The following HSPA12A variants were observed in gnomAD, a reference collection of about 807,000 sequenced individuals.
HSPA12A encodes the protein heat shock 70 kDa protein 12A.
A neutral mutation model predicts 69.2 loss-of-function variants in HSPA12A; 28 were observed. The observed-to-expected ratio is 0.40, with a 90% CI of 0.30 to 0.55. The LOEUF (loss-of-function observed/expected upper bound fraction) is 0.55, where lower values mean the gene tolerates loss of function less well. Ranked by LOEUF, HSPA12A falls within the 20% of genes least tolerant of loss-of-function variation. The pLI is 0.38. For synonymous variants in HSPA12A, 345 were observed against 370.5 expected, an observed-to-expected ratio of 0.93 and a Z score of 0.79; for missense variants, 686 against 900.7, an observed-to-expected ratio of 0.76 and a Z score of 3.05.
At chr10:116,757,731 C>T (rs758812000) in intron 2 of HSPA12A, among the ~76,000 whole-genome samples, 1 of 152,132 alleles carries the variant, frequency 6.6e-6, no homozygotes, top group Non-Finnish European at 1.5e-5. Flanking sequence ...ACTGTACCTA[C>T]TTCATAGGGA....
chr10:116,695,402 G>A (rs1554880681), intron 5 of HSPA12A, among the ~76,000 whole-genome samples: 9 of 152,154 alleles, frequency 5.9e-5, no homozygotes, highest in Admixed American at 5.2e-4. Flanking sequence ...AAGGGCTTGC[G>A]GCCAGGTGTG....
intron 1 of HSPA12A, among the ~76,000 whole-genome samples, chr10:116,838,324 G>A (rs571995286): frequency 6.6e-6 from 1 of 152,322 alleles, no homozygotes; most frequent in East Asian, 1.9e-4. Flanking sequence ...GGCAGGGGTT[G>A]CTGGCCTGCT....
In HSPA12A at chr10:116,741,901, C is replaced by A. The variant is rs533195365; in HGVS notation, c.40+529G>T. Reference sequence around the variant, plus strand: ...TTCGGCCGCAGCTGCAGCCCCCACTCCTGGCTCGAGCGTCCGGCCGGGGTG... The same window carrying A: ...TTCGGCCGCAGCTGCAGCCCCCACTACTGGCTCGAGCGTCCGGCCGGGGTG... On this transcript the variant is annotated intron_variant, in intron 1 of 11. Transcript: ENST00000369209. Among the ~76,000 whole-genome samples the A allele has an allele frequency of 5.8e-4, 88 of 152,322 alleles. 1 individual carries two copies. Among genetic ancestry groups the A allele is most frequent in the Middle Eastern group, 3.4e-3 (1 of 294 alleles).
At chr10:116,779,538 T>C (rs1844417041) in intron 2 of HSPA12A, among the ~76,000 whole-genome samples, 1 of 152,156 alleles carries the variant, frequency 6.6e-6, no homozygotes, top group South Asian at 2.1e-4. Flanking sequence ...GTCAGTATAT[T>C]CTGTCCCTTT....
chr10:116,850,509 TA>T (rs1846047078), upstream of HSPA12A, among the ~76,000 whole-genome samples: 1 of 151,706 alleles, frequency 6.6e-6, no homozygotes, highest in Non-Finnish European at 1.5e-5. Flanking sequence ...GATCTATAAG[TA>T]GTAAGGAAGG....
intron 2 of HSPA12A, among the ~76,000 whole-genome samples, chr10:116,762,147 C>T (rs552801924): frequency 3.3e-5 from 5 of 152,300 alleles, no homozygotes; most frequent in South Asian, 2.1e-4. Flanking sequence ...TAGCATAAGC[C>T]GCCTGGCCTG....
chr10:116,802,849 G>C lies in HSPA12A; in HGVS notation c.91+32086C>G, dbSNP rs73385322. ...CACAGAACATGAGCAGATGAGGTCTGCCAAGTCTGAACAGAAGTTTGAAGA... is the reference window on the plus strand; with the variant it reads ...CACAGAACATGAGCAGATGAGGTCTCCCAAGTCTGAACAGAAGTTTGAAGA... On this transcript the variant is annotated intron_variant, in intron 2 of 12. Coordinates refer to the HSPA12A transcript ENST00000635765. Among the ~76,000 whole-genome samples, 680 of 152,354 alleles carry C rather than the reference G, an allele frequency of 4.5e-3. 3 individuals carry two copies. Among genetic ancestry groups the C allele is most frequent in the African/African-American group, 0.016 (650 of 41,588 alleles).
intron 2 of HSPA12A, among the ~76,000 whole-genome samples, chr10:116,819,139 T>A (rs1311938173): frequency 6.6e-6 from 1 of 152,188 alleles, no homozygotes; most frequent in Non-Finnish European, 1.5e-5. Flanking sequence ...ACACCCTGCT[T>A]ATTCACTGGT....
intron 2 of HSPA12A, among the ~76,000 whole-genome samples, chr10:116,749,122 A>G (rs1370644052): frequency 1.3e-5 from 2 of 152,132 alleles, no homozygotes; most frequent in African/African-American, 4.8e-5. Flanking sequence ...CCATTTCTCC[A>G]CGGCACTTTT....
intron 1 of HSPA12A, among the ~76,000 whole-genome samples, chr10:116,718,342 A>C (rs10749229): frequency 0.81 from 123,026 of 152,110 alleles, 51,429 homozygotes; most frequent in Non-Finnish European, 0.92. Flanking sequence ...AGGTAAGGGT[A>C]GGGAAGGTGA....
At position 116,674,779 on chromosome 10, in the gene HSPA12A, G is replaced by A. The variant is rs781848826; in HGVS notation, c.*2C>T. On this transcript the variant is annotated 3_prime_UTR_variant, in exon 12 of 12. Transcript: ENST00000369209. ...AAGGGGACAGGCAGCGGGGCGGGAG[G>A]GTTAGTAATTTAAGAAGTCGATCCC... The A allele has an allele frequency of 4.4e-5, 71 of 1,602,258 alleles. No individual in the cohort carries two copies. In the South Asian group the frequency reaches 7.7e-4, roughly 17 times the overall value.
intron 1 of HSPA12A, among the ~76,000 whole-genome samples, chr10:116,727,479 A>C (rs1396566087): frequency 3.9e-5 from 6 of 152,218 alleles, no homozygotes; most frequent in African/African-American, 1.4e-4. Flanking sequence ...TGGCCAAAAC[A>C]AATCATGTAG....
intron 4 of HSPA12A, 99 bp from the exon 5 acceptor site, chr10:116,698,838 G>A: frequency 1.1e-6 from 1 of 905,984 alleles, no homozygotes; most frequent in Non-Finnish European, 1.8e-6. Flanking sequence ...GGATCCTGGT[G>A]AGCCATGTCT....
chr10:116,812,396 C>T (rs1041433148), intron 2 of HSPA12A, among the ~76,000 whole-genome samples: 1 of 151,766 alleles, frequency 6.6e-6, no homozygotes, highest in Admixed American at 6.6e-5. Flanking sequence ...GAGGATGCAG[C>T]GAGTCGAAAT....
In HSPA12A at chr10:116,814,017, T is replaced by C. The variant is rs78513979; in HGVS notation, c.91+20918A>G. Reference sequence around the variant, plus strand: ...CCTCAGATAATCCAGATGCTGGAATTAGCCAAGAAGGACTTTTCAAAAGCT... The same window carrying C: ...CCTCAGATAATCCAGATGCTGGAATCAGCCAAGAAGGACTTTTCAAAAGCT... On this transcript the variant is annotated intron_variant, in intron 2 of 12. Transcript: ENST00000635765. Among the ~76,000 whole-genome samples, 279 of 152,282 alleles carry C rather than the reference T, an allele frequency of 1.8e-3. 1 individual carries two copies. Among genetic ancestry groups the C allele is most frequent in the Middle Eastern group, 0.014 (4 of 294 alleles).
intron 1 of HSPA12A, among the ~76,000 whole-genome samples, chr10:116,721,950 C>T (rs1156588887): frequency 1.3e-5 from 2 of 152,202 alleles, no homozygotes. Context: ...CTCTGCAGTC[C>T]TTGGGTCTGG....
intron 2 of HSPA12A, among the ~76,000 whole-genome samples, chr10:116,770,728 A>G (rs1374091982): frequency 6.6e-6 from 1 of 152,154 alleles, no homozygotes; most frequent in Admixed American, 6.5e-5. Context: ...CACTGTTCCC[A>G]TAAGCCCCTC....
chr10:116,694,734 T>C (rs1392451965), intron 5 of HSPA12A, among the ~76,000 whole-genome samples: 3 of 152,166 alleles, frequency 2.0e-5, no homozygotes. Flanking sequence ...AGACACATCC[T>C]CACGTGGCCT....
At chr10:116,838,374 G>C (rs1003989149) in intron 1 of HSPA12A, among the ~76,000 whole-genome samples, 6 of 152,204 alleles carry the variant, frequency 3.9e-5, no homozygotes, top group African/African-American at 1.2e-4. Context: ...TGAATGCCCA[G>C]AGTGAGAGTG....
Sources: gnomAD v4.1 joint callset for allele counts (sites outside exome capture counted in the v4.1 genomes callset) on GRCh38, gnomAD v4.1.1 for gene constraint, MANE v1.5 for transcripts, NCBI Gene and HGNC (gene_info 2026-07-23, HGNC 2026-07-21) for gene names.